Variants in COMMD8 observed in about 807,000 individuals in gnomAD.
COMMD8 encodes the protein COMM domain-containing protein 8.
In COMMD8, 28 loss-of-function variants were observed where a neutral mutation model predicts 27.2. The ratio of observed to expected loss-of-function variants is 1.03; its 90% CI spans 0.76 to 1.41. COMMD8 has a LOEUF of 1.41. Ranked by LOEUF, COMMD8 falls within the 40% of genes most tolerant of loss-of-function variation. COMMD8 has a pLI of 0.00. For synonymous variants in COMMD8, 79 were observed against 75.5 expected, an observed-to-expected ratio of 1.05 and a Z score of -0.24; for missense variants, 217 against 211.2, an observed-to-expected ratio of 1.03 and a Z score of -0.17.
intron 1 of COMMD8, among the ~76,000 whole-genome samples, chr4:47,463,017 A>G (rs1157046875): frequency 1.3e-5 from 2 of 152,226 alleles, no homozygotes; most frequent in Non-Finnish European, 2.9e-5. Flanking sequence ...GTAGACTTCA[A>G]TGAAAAACTG....
intron 2 of COMMD8, among the ~76,000 whole-genome samples, chr4:47,458,295 A>G (rs1223064347): frequency 6.6e-6 from 1 of 152,090 alleles, no homozygotes; most frequent in Non-Finnish European, 1.5e-5. Context: ...AAATAAATGA[A>G]AGATGTTAAA....
intron 2 of COMMD8, 185 bp downstream of exon 2, chr4:47,459,959 A>G (rs1729981667): frequency 2.1e-6 from 1 of 468,646 alleles, no homozygotes; most frequent in South Asian, 4.5e-5. Flanking sequence ...ATGTTTCACA[A>G]AAGAGTAAAA....
Position 47,453,049 on chromosome 4 carries a change from T to C in COMMD8, c.531+10A>G, listed in dbSNP as rs1268348234. Reference sequence around the variant, plus strand: ...ACATTCAAATCATATGACAAAATTATAGCAAATACCTTATTCGCTGCTTCC... The same window carrying C: ...ACATTCAAATCATATGACAAAATTACAGCAAATACCTTATTCGCTGCTTCC... On this transcript the variant is annotated intron_variant, in intron 4 of 4. Transcript: ENST00000381571. 5 of 1,581,632 alleles carry C rather than the reference T, an allele frequency of 3.2e-6. No individual in the cohort carries two copies. The highest frequency in any genetic ancestry group is 1.4e-5 in the African/African-American group (1 of 73,186).
rs981686184 is a variant in COMMD8 at position 47,456,458 on chromosome 4, G to T, written c.375+119C>A. On this transcript the variant is annotated intron_variant, in intron 3 of 4. Transcript: ENST00000381571. ...TCAAGATGTAATTTAAACTATCTTT[G>T]ATATTTCTTTGGGATAATACATTCC... is the stretch of plus-strand genomic sequence containing the variant. 6 of 625,326 alleles carry T rather than the reference G, an allele frequency of 9.6e-6. No homozygotes were observed. In the African/African-American group the frequency reaches 1.2e-4, roughly 12 times the overall value. The allele number at this position is 625,326 out of a possible 1,614,324, so 38.7% of individuals were successfully genotyped here.
Position 47,453,220 on chromosome 4 carries a change from T to C in COMMD8, c.376-6A>G. ...TTGTCACTGGAAAGTGCAAGCTGTT[T>C]AAAATCAGAAAAATAGCAATTAATA... is the stretch of plus-strand genomic sequence containing the variant. On this transcript the variant is annotated splice_region_variant and splice_polypyrimidine_tract_variant and intron_variant, in intron 3 of 4. Coordinates refer to ENST00000381571, the MANE Select transcript of COMMD8 (RefSeq NM_017845.5). 1 of 1,609,700 alleles carries C rather than the reference T, an allele frequency of 6.2e-7. No homozygotes were observed. Among genetic ancestry groups the C allele is most frequent in the East Asian group, 2.2e-5 (1 of 44,848 alleles).
At chr4:47,453,021 TA>T in intron 4 of COMMD8, 37 bp downstream of exon 4, 1 of 1,557,166 alleles carries the variant, frequency 6.4e-7, no homozygotes, top group East Asian at 2.3e-5. Context: ...CCCAAAACCT[TA>T]AACATTCAAA....
chr4:47,457,965 G>A (rs1012646519), intron 2 of COMMD8, among the ~76,000 whole-genome samples: 1 of 151,902 alleles, frequency 6.6e-6, no homozygotes, highest in African/African-American at 2.4e-5. Flanking sequence ...GATCAAGTGG[G>A]GTTTATTTTG....
At chr4:47,457,686 A>C (rs778878715) in intron 2 of COMMD8, among the ~76,000 whole-genome samples, 21 of 152,112 alleles carry the variant, frequency 1.4e-4, no homozygotes, top group Non-Finnish European at 2.8e-4. Flanking sequence ...GTAACCAAAA[A>C]ATTTCTGAAT....
At chr4:47,455,712 T>G (rs1414433209) in intron 3 of COMMD8, among the ~76,000 whole-genome samples, 5 of 152,176 alleles carry the variant, frequency 3.3e-5, no homozygotes, top group Non-Finnish European at 7.3e-5. Flanking sequence ...AGGCACTTTA[T>G]CCAGGGTCAT....
At chr4:47,460,329 T>A (rs1311082300) in intron 1 of COMMD8, 30 bp from the exon 2 acceptor site, 1 of 1,584,040 alleles carries the variant, frequency 6.3e-7, no homozygotes, top group Non-Finnish European at 8.6e-7. Context: ...TAAATGTACT[T>A]ATAAGTAAAA....
chr4:47,460,052 GATAGCCC>G, intron 2 of COMMD8, 85 bp downstream of exon 2: 1 of 965,208 alleles, frequency 1.0e-6, no homozygotes, highest in African/African-American at 1.7e-5. Context: ...TGTTACTGAT[GATAGCCC>G]TTGTATTATA....
At chr4:47,463,351 G>A (rs1216666055) in intron 1 of COMMD8, among the ~76,000 whole-genome samples, 1 of 152,258 alleles carries the variant, frequency 6.6e-6, no homozygotes, top group East Asian at 1.9e-4. Context: ...GTCTGGTGTG[G>A]GCGCTTCTGC....
At chr4:47,454,513 T>C (rs1729835230) in intron 3 of COMMD8, among the ~76,000 whole-genome samples, 2 of 152,106 alleles carry the variant, frequency 1.3e-5, no homozygotes, top group Admixed American at 1.3e-4. Context: ...AAACAGATAA[T>C]ACACTAAGAA....
intron 4 of COMMD8, among the ~76,000 whole-genome samples, chr4:47,452,729 C>T (rs963245647): frequency 6.6e-6 from 1 of 152,208 alleles, no homozygotes; most frequent in African/African-American, 2.4e-5. Flanking sequence ...GGTGCAGTGG[C>T]CCATGCCTGT....
intron 3 of COMMD8, among the ~76,000 whole-genome samples, chr4:47,454,092 T>C (rs1366321994): frequency 1.3e-5 from 2 of 152,234 alleles, no homozygotes. Flanking sequence ...AACTATCTTA[T>C]GCATAATTCT....
intron 3 of COMMD8, among the ~76,000 whole-genome samples, chr4:47,454,312 A>G (rs1449885992): frequency 1.3e-5 from 2 of 152,184 alleles, no homozygotes; most frequent in Non-Finnish European, 2.9e-5. Flanking sequence ...AAGCATTTAT[A>G]TATTTCCCCA....
rs113179731 is a variant in COMMD8 at position 47,458,447 on chromosome 4, T to G, written c.222+1697A>C. On this transcript the variant is annotated intron_variant, in intron 2 of 4. Transcript: ENST00000381571. ...ATACTAGCAAAAAACTACTGAAAAA[T>G]TAAAGATCAAAAACATCATTTACTC... is the stretch of plus-strand genomic sequence containing the variant. Among the ~76,000 whole-genome samples, 604 of 152,038 alleles carry G rather than the reference T, an allele frequency of 4.0e-3. 2 individuals are homozygous for G. Among genetic ancestry groups the G allele is most frequent in the African/African-American group, 0.014 (569 of 41,524 alleles).
Position 47,453,057 on chromosome 4 carries a change from A to T in COMMD8, c.531+2T>A. On this transcript the variant is annotated splice_donor_variant, in intron 4 of 4. Transcript: ENST00000381571. LOFTEE classifies it high-confidence loss of function. ...ATCATATGACAAAATTATAGCAAAT[A>T]CCTTATTCGCTGCTTCCAAGGACTG... 6.3e-7 allele frequency: 1 copy of T among 1,595,146 alleles called. No homozygotes were observed. Among genetic ancestry groups the T allele is most frequent in the Non-Finnish European group, 8.5e-7 (1 of 1,172,270 alleles).
intron 2 of COMMD8, among the ~76,000 whole-genome samples, chr4:47,459,573 GA>G (rs1729969354): frequency 6.6e-6 from 1 of 152,002 alleles, no homozygotes; most frequent in South Asian, 2.1e-4. Context: ...ATACTACAAG[GA>G]GTTAAAATAC....
Sources: gnomAD v4.1 joint callset for allele counts (sites outside exome capture counted in the v4.1 genomes callset) on GRCh38, gnomAD v4.1.1 for gene constraint, MANE v1.5 for transcripts, NCBI Gene and HGNC (gene_info 2026-07-23, HGNC 2026-07-21) for gene names.